Variants in SDHAF3 observed in about 807,000 individuals in gnomAD.
SDHAF3 encodes succinate dehydrogenase complex assembly factor 3, also known as succinate dehydrogenase assembly factor 3, mitochondrial.
A neutral mutation model predicts 11.5 loss-of-function variants in SDHAF3; 18 were observed. That is an observed-to-expected ratio of 1.56 (90% CI 1.08 to 2.32). The LOEUF is 2.32. Ranked by LOEUF, SDHAF3 falls within the 30% of genes most tolerant of loss-of-function variation. The pLI, the probability that SDHAF3 is intolerant of heterozygous loss-of-function variation, is 0.00. For missense variants in SDHAF3, 200 were observed against 154.4 expected (o/e 1.30, Z -1.57); for synonymous variants, 72 against 59.3 (o/e 1.21, Z -0.99).
At chr7:97,142,042 CTTTTTTTTTTTT>C (rs71131003) in intron 1 of SDHAF3, among the ~76,000 whole-genome samples, 21 of 61,694 alleles carry the variant, frequency 3.4e-4, no homozygotes, top group African/African-American at 1.2e-3. Flanking sequence ...GAATTGTTGT[CTTTTTTTTTTTT>C]TTTTTTTTTT....
intron 1 of SDHAF3, among the ~76,000 whole-genome samples, chr7:97,141,584 G>A (rs541442628): frequency 6.6e-6 from 1 of 152,264 alleles, no homozygotes; most frequent in South Asian, 2.1e-4. Flanking sequence ...GGCGCCCGAT[G>A]TGGGGCTCGA....
intron 1 of SDHAF3, among the ~76,000 whole-genome samples, chr7:97,159,854 G>A (rs142233230): frequency 7.3e-4 from 111 of 152,288 alleles, no homozygotes; most frequent in African/African-American, 2.6e-3. Flanking sequence ...GGTTGGTTCT[G>A]ACAGTATTTG....
intron 1 of SDHAF3, among the ~76,000 whole-genome samples, chr7:97,157,313 C>A (rs12670377): frequency 0.24 from 37,178 of 152,050 alleles, 4,712 homozygotes; most frequent in East Asian, 0.42. Context: ...CAGTTCCCTT[C>A]TATTTCCTGA....
At chr7:97,143,487 T>C (rs1434096803) in intron 1 of SDHAF3, among the ~76,000 whole-genome samples, 1 of 152,138 alleles carries the variant, frequency 6.6e-6, no homozygotes, top group Non-Finnish European at 1.5e-5. Context: ...CCAAAGTCCA[T>C]TGTATCATTC....
intron 1 of SDHAF3, among the ~76,000 whole-genome samples, chr7:97,165,357 C>CTTTTTTTTTTTT (rs10653828): frequency 1.3e-5 from 1 of 77,022 alleles, no homozygotes; most frequent in Non-Finnish European, 2.4e-5. Flanking sequence ...ATTTTCCTAC[C>CTTTTTTTTTTTT]TTTTTTTTTT....
intron 1 of SDHAF3, among the ~76,000 whole-genome samples, chr7:97,173,913 G>A (rs1789642455): frequency 6.7e-6 from 1 of 149,552 alleles, no homozygotes; most frequent in Non-Finnish European, 1.5e-5. Context: ...GTTTTTGTTA[G>A]CAGCTTTTTT....
intron 1 of SDHAF3, among the ~76,000 whole-genome samples, chr7:97,130,768 A>G (rs969111278): frequency 6.6e-6 from 1 of 152,196 alleles, no homozygotes; most frequent in Non-Finnish European, 1.5e-5. Flanking sequence ...GTCTCCACAC[A>G]AGAGGGGACC....
chr7:97,144,156 C>T (rs1027778968), intron 1 of SDHAF3, among the ~76,000 whole-genome samples: 1 of 151,860 alleles, frequency 6.6e-6, no homozygotes, highest in Non-Finnish European at 1.5e-5. Flanking sequence ...TGTCTACTTA[C>T]ATTCTTTACT....
At position 97,161,366 on chromosome 7, in the gene SDHAF3, A is replaced by G. The variant is rs542135222; in HGVS notation, c.175-19646A>G. On this transcript the variant is annotated intron_variant, in intron 1 of 1. Transcript: ENST00000432641. Reference sequence around the variant, plus strand: ...TATAGTCTATGGGACTCGACTTCACAATTAGCTGCTGTTTGGTTGGGATTA... The same window carrying G: ...TATAGTCTATGGGACTCGACTTCACGATTAGCTGCTGTTTGGTTGGGATTA... Among the ~76,000 whole-genome samples, 21 of 152,276 alleles carry G rather than the reference A, an allele frequency of 1.4e-4. No individual in the cohort carries two copies. The East Asian group carries it at 4.0e-3, about 29-fold the overall frequency.
intron 1 of SDHAF3, among the ~76,000 whole-genome samples, chr7:97,140,898 T>C (rs993311109): frequency 6.6e-6 from 1 of 152,240 alleles, no homozygotes; most frequent in Admixed American, 6.5e-5. Context: ...AACCTTAAAC[T>C]CTGACTGCCA....
At chr7:97,137,402 A>G (rs186065225) in intron 1 of SDHAF3, among the ~76,000 whole-genome samples, 5 of 152,356 alleles carry the variant, frequency 3.3e-5, no homozygotes, top group South Asian at 2.1e-4. Context: ...ACAGGACATT[A>G]TTAAGTTCAA....
chr7:97,134,418 A>G (rs1227245362), intron 1 of SDHAF3, among the ~76,000 whole-genome samples: 2 of 152,224 alleles, frequency 1.3e-5, no homozygotes, highest in Non-Finnish European at 2.9e-5. Context: ...AAATGCTTTT[A>G]TAAGACTAAG....
At chr7:97,173,805 G>T (rs1470296147) in intron 1 of SDHAF3, among the ~76,000 whole-genome samples, 1 of 152,054 alleles carries the variant, frequency 6.6e-6, no homozygotes, top group Non-Finnish European at 1.5e-5. Flanking sequence ...GCCCACCTCT[G>T]CCTCCCAAAG....
chr7:97,179,911 A>G (rs774363125), intron 1 of SDHAF3, among the ~76,000 whole-genome samples: 2 of 152,264 alleles, frequency 1.3e-5, no homozygotes, highest in Non-Finnish European at 2.9e-5. Flanking sequence ...CTGCCATTCC[A>G]GCAATTACAA....
intron 1 of SDHAF3, among the ~76,000 whole-genome samples, chr7:97,149,529 A>T (rs1452266159): frequency 3.9e-5 from 6 of 152,246 alleles, no homozygotes; most frequent in African/African-American, 1.4e-4. Flanking sequence ...ATTGCAATAA[A>T]ATGAGCCATG....
At chr7:97,163,819 C>T (rs1184427081) in intron 1 of SDHAF3, among the ~76,000 whole-genome samples, 1 of 152,146 alleles carries the variant, frequency 6.6e-6, no homozygotes, top group East Asian at 1.9e-4. Context: ...TTTAGTGCTT[C>T]CTTCGAGAGC....
At chr7:97,142,750 T>C (rs1184709353) in intron 1 of SDHAF3, 2 of 152,090 alleles carry the variant, frequency 1.3e-5, no homozygotes, top group Non-Finnish European at 2.9e-5. Context: ...GGAAAAGGCC[T>C]AGAAGAGCCA....
intron 1 of SDHAF3, among the ~76,000 whole-genome samples, chr7:97,149,993 C>G (rs371932817): frequency 6.6e-6 from 1 of 152,340 alleles, no homozygotes; most frequent in South Asian, 2.1e-4. Context: ...GCACTGTTCA[C>G]GCATCCTTGC....
intron 1 of SDHAF3, among the ~76,000 whole-genome samples, chr7:97,168,463 G>GTTAA (rs1050593259): frequency 2.0e-5 from 3 of 152,214 alleles, no homozygotes; most frequent in Non-Finnish European, 4.4e-5. Flanking sequence ...TTCTCCCAAA[G>GTTAA]TTAATTCAAC....
Sources: allele counts gnomAD v4.1 joint callset (sites outside exome capture counted in the v4.1 genomes callset), GRCh38; gene constraint gnomAD v4.1.1; transcripts MANE v1.5; gene names NCBI Gene and HGNC (gene_info 2026-07-23, HGNC 2026-07-21).